The following HFM1 variants were observed in gnomAD, a reference collection of about 807,000 sequenced individuals.
The protein encoded by HFM1 is helicase for meiosis 1, also known as probable ATP-dependent DNA helicase HFM1.
A neutral mutation model predicts 192.1 loss-of-function variants in HFM1; 169 were observed. The observed-to-expected ratio is 0.88, with a 90% CI of 0.78 to 1.00. The LOEUF is 1.00. HFM1 is among the 50% of genes least tolerant of loss of function. The pLI, the probability that HFM1 is intolerant of heterozygous loss-of-function variation, is 0.00. For missense variants in HFM1, 1,661 were observed against 1,668.0 expected (o/e 1.00, Z 0.07); for synonymous variants, 525 against 537.8 (o/e 0.98, Z 0.33).
chr1:91,285,959 A>G (rs1241196208), intron 30 of HFM1, among the ~76,000 whole-genome samples: 1 of 152,166 alleles, frequency 6.6e-6, no homozygotes, highest in African/African-American at 2.4e-5. Context: ...ATGGTATCAC[A>G]GTACTTGTGT....
Position 91,346,926 on chromosome 1 carries a change from C to G in HFM1, c.2254+503G>C, listed in dbSNP as rs1037111499. Among the ~76,000 whole-genome samples the G allele has an allele frequency of 2.0e-5, 3 of 152,014 alleles. No homozygotes were observed. In the East Asian group the frequency reaches 5.8e-4, roughly 29 times the overall value. On this transcript the variant is annotated intron_variant, in intron 19 of 38. Transcript: ENST00000370425. ...TAACTTGAGGCCAGGAGTTTGAGAC[C>G]AGGCTGGAAAATACAGTGAGAACCC...
intron 13 of HFM1, among the ~76,000 whole-genome samples, chr1:91,363,171 A>G (rs1658751109): frequency 1.3e-5 from 2 of 152,206 alleles, no homozygotes; most frequent in Non-Finnish European, 2.9e-5. Flanking sequence ...GCAAAAATTG[A>G]CAAATGGCAT....
At position 91,385,562 on chromosome 1, in the gene HFM1, A is replaced by G. The variant is rs552984902; in HGVS notation, c.754+13T>C. On this transcript the variant is annotated intron_variant, in intron 5 of 38. Coordinates refer to ENST00000370425, the MANE Select transcript of HFM1 (RefSeq NM_001017975.6). ...CTGTACTCATAAAATGAACTGAAAA[A>G]GCAAGAAATTACCTTGAATATCATG... 1 of 1,602,898 alleles carries G rather than the reference A, an allele frequency of 6.2e-7. No individual in the cohort carries two copies. The highest frequency in any genetic ancestry group is 1.3e-5 in the African/African-American group (1 of 74,526).
intron 19 of HFM1, among the ~76,000 whole-genome samples, chr1:91,345,791 T>C (rs547471666): frequency 6.6e-6 from 1 of 152,192 alleles, no homozygotes; most frequent in African/African-American, 2.4e-5. Flanking sequence ...ACCCACGGAA[T>C]GGTCCTATCT....
intron 23 of HFM1, among the ~76,000 whole-genome samples, chr1:91,320,016 T>TA (rs1651848957): frequency 6.6e-6 from 1 of 152,160 alleles, no homozygotes; most frequent in African/African-American, 2.4e-5. Flanking sequence ...CCTATGTGCC[T>TA]AGTATATCCC....
chr1:91,375,157 T>C (rs1660753672), intron 13 of HFM1, among the ~76,000 whole-genome samples: 2 of 152,132 alleles, frequency 1.3e-5, no homozygotes, highest in Non-Finnish European at 2.9e-5. Context: ...GTATGGATAA[T>C]CTTTATCATT....
intron 4 of HFM1, among the ~76,000 whole-genome samples, chr1:91,391,998 G>A (rs1663055730): frequency 6.6e-6 from 1 of 152,184 alleles, no homozygotes; most frequent in African/African-American, 2.4e-5. Context: ...ATGAAAAAAT[G>A]CTCATCATCA....
rs1333125672 is a variant in HFM1 at position 91,266,041 on chromosome 1, T to C, written c.3950A>G (p.Lys1317Arg). 3 of 1,581,286 alleles carry C rather than the reference T, an allele frequency of 1.9e-6. No individual in the cohort carries two copies. The highest frequency in any genetic ancestry group is 1.4e-5 in the African/African-American group (1 of 71,992). ...CCTGTTTGACATTTCTCTTTGGAAT[T>C]TGCTCTTTGACTCTTGAAGGGGTAG... ...SKLPLQESKSKFQREMSNSFV... is the reference protein window; with the variant it reads ...SKLPLQESKSRFQREMSNSFV... The change falls in exon 36 of 39, where the codon AAA (lysine) becomes AGA (arginine). Residue 1317 changes from lysine (K) to arginine (R), a missense_variant. By Grantham distance (26) the Lys-to-Arg change is conservative (BLOSUM62 2). Transcript: ENST00000370425.
chr1:91,352,407 T>C (rs1657062347), intron 16 of HFM1, 99 bp downstream of exon 16: 1 of 899,830 alleles, frequency 1.1e-6, no homozygotes, highest in South Asian at 2.1e-5. Flanking sequence ...TATATTACTT[T>C]TAAGCCTGAT....
At chr1:91,288,156 C>A (rs1098472) in intron 30 of HFM1, among the ~76,000 whole-genome samples, 72,211 of 148,636 alleles carry the variant, frequency 0.49, 18,330 homozygotes, top group African/African-American at 0.65. Context: ...TCAGGAAATA[C>A]AGAGAACGCC....
chr1:91,350,919 A>C, intron 17 of HFM1, 48 bp from the exon 18 acceptor site: 1 of 1,461,538 alleles, frequency 6.8e-7, no homozygotes, highest in Non-Finnish European at 9.2e-7. Flanking sequence ...CAATGCCATA[A>C]CTCTTACTTT....
Position 91,350,864 on chromosome 1 carries a change from T to G in HFM1, c.2080A>C (p.Arg694=). ...GCATTTAAATGTTCAATAAGATGTCTGTGCAAACTAATGAAAAAAAACTTT... is the reference window on the plus strand; with the variant it reads ...GCATTTAAATGTTCAATAAGATGTCGGTGCAAACTAATGAAAAAAAACTTT... ...CRDTVESSLH[R]HLIEHLNAEI... Residue 694 remains arginine, a synonymous_variant, in exon 18 of 39, where the codon AGA becomes CGA. Coordinates refer to ENST00000370425, the MANE Select transcript of HFM1 (RefSeq NM_001017975.6). 1 of 1,572,186 alleles carries G rather than the reference T, an allele frequency of 6.4e-7. No individual in the cohort carries two copies. The highest frequency in any genetic ancestry group is 8.7e-7 in the Non-Finnish European group (1 of 1,152,990).
intron 4 of HFM1, among the ~76,000 whole-genome samples, chr1:91,388,163 T>G (rs369280713): frequency 6.6e-6 from 1 of 152,060 alleles, no homozygotes; most frequent in Non-Finnish European, 1.5e-5. Flanking sequence ...AGCTGGTAAA[T>G]GTAAGTAAAG....
At chr1:91,322,022 T>A (rs1042388408) in intron 23 of HFM1, among the ~76,000 whole-genome samples, 2 of 152,200 alleles carry the variant, frequency 1.3e-5, no homozygotes, top group Admixed American at 1.3e-4. Context: ...ATCACTTACA[T>A]CGTTTGTAAA....
In HFM1 at chr1:91,394,416, A is replaced by G. The variant is rs190655499; in HGVS notation, c.185-14T>C. On this transcript the variant is annotated splice_polypyrimidine_tract_variant and intron_variant, in intron 3 of 38. Transcript: ENST00000370425. The stretch of plus-strand genomic sequence containing the variant: ...TCTTTTCCTGACCTACAAAAAAGGA[A>G]TATCTTAATTATTACATGTTCTCCA... 50 of 1,355,060 alleles carry G rather than the reference A, an allele frequency of 3.7e-5. No homozygotes were observed. In the East Asian group the frequency reaches 5.3e-4, roughly 14 times the overall value. 83.9% of individuals were successfully genotyped at this position (1,355,060 alleles called of 1,614,324 possible). A position where few individuals can be genotyped will look rare whatever the true frequency, so the allele number is the denominator to read the frequency against.
intron 19 of HFM1, among the ~76,000 whole-genome samples, chr1:91,346,773 G>T (rs757808996): frequency 2.0e-5 from 3 of 152,104 alleles, no homozygotes; most frequent in Non-Finnish European, 2.9e-5. Context: ...CACAGGTTGG[G>T]ATACAAAGCC....
chr1:91,283,353 C>CCCA (rs1329317081), intron 30 of HFM1, among the ~76,000 whole-genome samples: 1 of 152,160 alleles, frequency 6.6e-6, no homozygotes, highest in Non-Finnish European at 1.5e-5. Context: ...AAGTGATCCT[C>CCCA]CCAACTCAGC....
Position 91,275,504 on chromosome 1 carries a change from A to T in HFM1, c.3589-695T>A, listed in dbSNP as rs140661186. Among the ~76,000 whole-genome samples the T allele has an allele frequency of 6.6e-3, 1,006 of 152,262 alleles. 32 individuals carry two copies. Among genetic ancestry groups the T allele is most frequent in the Admixed American group, 0.051 (782 of 15,292 alleles). On this transcript the variant is annotated intron_variant, in intron 32 of 38. Coordinates refer to ENST00000370425, the MANE Select transcript of HFM1 (RefSeq NM_001017975.6). ...GACATCTTGCAGGCCCTCTAAATTC[A>T]GTGTTTCCCAAGTTGAACTTATCCT...
intron 4 of HFM1, among the ~76,000 whole-genome samples, chr1:91,388,616 A>T (rs1458720063): frequency 6.6e-6 from 1 of 152,234 alleles, no homozygotes; most frequent in Non-Finnish European, 1.5e-5. Flanking sequence ...ATAGATCACA[A>T]ATGTAAACAT....
Sources: gnomAD v4.1 joint callset for allele counts (sites outside exome capture counted in the v4.1 genomes callset) on GRCh38, gnomAD v4.1.1 for gene constraint, MANE v1.5 for transcripts, NCBI Gene and HGNC (gene_info 2026-07-23, HGNC 2026-07-21) for gene names.